Variants in TMPRSS12 observed in about 807,000 individuals in gnomAD.
TMPRSS12 encodes the protein transmembrane serine protease 12.
TMPRSS12 carries 25 observed loss-of-function variants against 26.0 expected under a neutral mutation model. The ratio of observed to expected loss-of-function variants is 0.96; its 90% CI spans 0.70 to 1.34. TMPRSS12 has a LOEUF of 1.34. Ranked by LOEUF, TMPRSS12 falls within the 40% of genes most tolerant of loss-of-function variation. TMPRSS12 has a pLI of 0.00. For synonymous variants in TMPRSS12, 150 were observed against 161.7 expected (o/e 0.93, Z 0.55); for missense variants, 441 against 440.1 (o/e 1.00, Z -0.02).
At chr12:50,866,138 G>T (rs867902342) in intron 3 of TMPRSS12, among the ~76,000 whole-genome samples, 1 of 152,064 alleles carries the variant, frequency 6.6e-6, no homozygotes, top group East Asian at 1.9e-4. Context: ...GAAATAAATC[G>T]AGAATCCCAA....
chr12:50,868,620 A>T (rs1938013676), intron 3 of TMPRSS12, among the ~76,000 whole-genome samples: 1 of 152,194 alleles, frequency 6.6e-6, no homozygotes, highest in Admixed American at 6.5e-5. Flanking sequence ...GAAACAATGG[A>T]TTTAAACTAT....
intron 2 of TMPRSS12, among the ~76,000 whole-genome samples, chr12:50,850,978 G>A (rs1423958810): frequency 2.0e-5 from 3 of 152,148 alleles, no homozygotes; most frequent in Non-Finnish European, 4.4e-5. Context: ...TAGAAATGAT[G>A]CCAGTTGACT....
intron 2 of TMPRSS12, among the ~76,000 whole-genome samples, chr12:50,858,520 A>C (rs1937902959): frequency 6.6e-6 from 1 of 152,162 alleles, no homozygotes; most frequent in Non-Finnish European, 1.5e-5. Flanking sequence ...TGAATAATTC[A>C]TTCTTTTGTC....
At chr12:50,879,746 T>C (rs1162233027) in intron 3 of TMPRSS12, among the ~76,000 whole-genome samples, 1 of 152,102 alleles carries the variant, frequency 6.6e-6, no homozygotes, top group South Asian at 2.1e-4. Flanking sequence ...GGCAGGTGGA[T>C]CACTTGAGCT....
In TMPRSS12 at chr12:50,858,995, A is replaced by T. The variant is rs768265556; in HGVS notation, c.594A>T (p.Gln198His). 6.2e-7 allele frequency: 1 copy of T among 1,603,208 alleles called. No homozygotes were observed. Among genetic ancestry groups the T allele is most frequent in the Non-Finnish European group, 8.5e-7 (1 of 1,175,160 alleles). Residue 198 changes from glutamine (Q) to histidine (H), a missense_variant, in exon 3 of 5, where the codon CAA (glutamine) becomes CAT (histidine). Transcript: ENST00000398458. ...TTTGCCTACCTTTTGATGTTTTCCA[A>T]ATCCTGGACGGAAACACAAAGTGTT... ...QPICLPFDVF[Q>H]ILDGNTKCFI...
chr12:50,857,499 A>T (rs934385718), intron 2 of TMPRSS12, among the ~76,000 whole-genome samples: 5 of 152,170 alleles, frequency 3.3e-5, no homozygotes, highest in African/African-American at 4.8e-5. Context: ...ACTCACATAA[A>T]CATTGCCAAT....
chr12:50,861,538 A>G (rs1937934360), intron 3 of TMPRSS12, among the ~76,000 whole-genome samples: 1 of 152,158 alleles, frequency 6.6e-6, no homozygotes, highest in African/African-American at 2.4e-5. Flanking sequence ...TGGGCATGTT[A>G]TTGACTCTTT....
At chr12:50,862,561 T>C (rs1213557424) in intron 3 of TMPRSS12, among the ~76,000 whole-genome samples, 4 of 152,064 alleles carry the variant, frequency 2.6e-5, no homozygotes, top group Non-Finnish European at 5.9e-5. Flanking sequence ...AGTCTTGCTC[T>C]GTCACCCAGG....
intron 2 of TMPRSS12, chr12:50,847,921 A>G (rs1476939472): frequency 1.3e-5 from 2 of 151,746 alleles, no homozygotes; most frequent in African/African-American, 2.4e-5. Flanking sequence ...ATATATACAC[A>G]TATATATTCT....
intron 3 of TMPRSS12, among the ~76,000 whole-genome samples, chr12:50,881,771 C>A (rs1938165346): frequency 6.7e-6 from 1 of 150,158 alleles, no homozygotes; most frequent in Non-Finnish European, 1.5e-5. Context: ...GAGTCCGAGA[C>A]CAGCCTGGCC....
intron 1 of TMPRSS12, among the ~76,000 whole-genome samples, chr12:50,843,608 G>T (rs943389952): frequency 6.6e-6 from 1 of 152,152 alleles, no homozygotes; most frequent in Non-Finnish European, 1.5e-5. Flanking sequence ...TTGGGGAATA[G>T]AGTTTTAAAA....
At chr12:50,869,069 T>C (rs906626744) in intron 3 of TMPRSS12, among the ~76,000 whole-genome samples, 1 of 150,676 alleles carries the variant, frequency 6.6e-6, no homozygotes, top group African/African-American at 2.4e-5. Flanking sequence ...ACTGACATTC[T>C]AAGGTTATAC....
At chr12:50,860,608 T>C (rs1385158022) in intron 3 of TMPRSS12, among the ~76,000 whole-genome samples, 1 of 151,036 alleles carries the variant, frequency 6.6e-6, no homozygotes, top group African/African-American at 2.4e-5. Context: ...TATGTATAGA[T>C]GTATGTTTTG....
intron 3 of TMPRSS12, among the ~76,000 whole-genome samples, chr12:50,866,827 G>T (rs1003316875): frequency 2.0e-5 from 3 of 152,176 alleles, no homozygotes; most frequent in African/African-American, 7.2e-5. Context: ...ACAGCCCCCA[G>T]TACCAGCCCA....
At chr12:50,879,166 A>G (rs1032481948) in intron 3 of TMPRSS12, among the ~76,000 whole-genome samples, 1 of 152,218 alleles carries the variant, frequency 6.6e-6, no homozygotes, top group Non-Finnish European at 1.5e-5. Flanking sequence ...TTAACTCAAA[A>G]TGGATCATAG....
intron 3 of TMPRSS12, among the ~76,000 whole-genome samples, chr12:50,872,842 C>CTA (rs1491074822): frequency 7.6e-5 from 1 of 13,162 alleles, no homozygotes; most frequent in Admixed American, 8.0e-4. Flanking sequence ...TATATGACGT[C>CTA]TATATATGTA....
intron 2 of TMPRSS12, among the ~76,000 whole-genome samples, chr12:50,850,247 G>A (rs553197342): frequency 1.2e-4 from 18 of 152,202 alleles, no homozygotes; most frequent in Non-Finnish European, 2.1e-4. Flanking sequence ...CATTCCCTTG[G>A]TGATAAGTGA....
intron 3 of TMPRSS12, among the ~76,000 whole-genome samples, chr12:50,867,866 G>T (rs1103441): frequency 2.0e-5 from 3 of 151,952 alleles, no homozygotes; most frequent in African/African-American, 7.3e-5. Flanking sequence ...TTTGTATCCC[G>T]TGAAACTAAC....
intron 2 of TMPRSS12, among the ~76,000 whole-genome samples, chr12:50,858,574 G>A (rs964881951): frequency 6.6e-6 from 1 of 152,016 alleles, no homozygotes; most frequent in Non-Finnish European, 1.5e-5. Flanking sequence ...AAATTCTCAT[G>A]TACTTGAATC....
Sources: allele counts gnomAD v4.1 joint callset (sites outside exome capture counted in the v4.1 genomes callset), GRCh38; gene constraint gnomAD v4.1.1; transcripts MANE v1.5; gene names NCBI Gene and HGNC (gene_info 2026-07-23, HGNC 2026-07-21).